The following BMPR1A variants were observed in gnomAD, a reference collection of about 807,000 sequenced individuals.
BMPR1A encodes the protein bone morphogenetic protein receptor type-1A.
Under a neutral mutation model 66.0 loss-of-function variants are expected in BMPR1A, and 7 were observed. That is an observed-to-expected ratio of 0.11 (90% CI 0.06 to 0.20). The LOEUF is 0.20. Ranked by LOEUF, BMPR1A falls within the 10% of genes least tolerant of loss-of-function variation. BMPR1A has a pLI of 1.00. For missense variants in BMPR1A, 408 were observed against 669.1 expected (o/e 0.61, Z 4.31); for synonymous variants, 200 against 229.7 (o/e 0.87, Z 1.17).
intron 5 of BMPR1A, among the ~76,000 whole-genome samples, chr10:86,893,479 T>A (rs572224043): frequency 2.0e-5 from 3 of 152,276 alleles, no homozygotes; most frequent in Admixed American, 2.0e-4. Context: ...AGAAAATTGT[T>A]CCTATTATTT....
chr10:86,814,334 G>A (rs139134959), intron 1 of BMPR1A, among the ~76,000 whole-genome samples: 1 of 152,138 alleles, frequency 6.6e-6, no homozygotes, highest in East Asian at 1.9e-4. Flanking sequence ...ACAGTTTTTA[G>A]TGTTGCTTGT....
At chr10:86,783,057 A>G (rs1221309834) in intron 1 of BMPR1A, among the ~76,000 whole-genome samples, 5 of 152,190 alleles carry the variant, frequency 3.3e-5, no homozygotes, top group East Asian at 1.9e-4. Flanking sequence ...ATGGTTTAAG[A>G]TAAGGATCCA....
chr10:86,895,593 C>G (rs1479437661), intron 5 of BMPR1A, among the ~76,000 whole-genome samples: 1 of 151,942 alleles, frequency 6.6e-6, no homozygotes, highest in African/African-American at 2.4e-5. Context: ...TGATCATCAT[C>G]TTGCTTATGT....
At chr10:86,847,564 T>C (rs1842504733) in intron 2 of BMPR1A, among the ~76,000 whole-genome samples, 1 of 152,016 alleles carries the variant, frequency 6.6e-6, no homozygotes, top group Non-Finnish European at 1.5e-5. Context: ...AAAGATTATA[T>C]ATTGGCCAGG....
intron 2 of BMPR1A, among the ~76,000 whole-genome samples, chr10:86,856,397 C>T (rs1208678672): frequency 6.6e-6 from 1 of 152,198 alleles, no homozygotes; most frequent in Non-Finnish European, 1.5e-5. Flanking sequence ...CCCCGAGGCA[C>T]CATCTCCCTA....
At chr10:86,865,404 C>A (rs1020097401) in intron 2 of BMPR1A, among the ~76,000 whole-genome samples, 3 of 152,158 alleles carry the variant, frequency 2.0e-5, no homozygotes, top group African/African-American at 7.2e-5. Context: ...CTTGCGACCC[C>A]CACTCTGCCC....
intron 8 of BMPR1A, among the ~76,000 whole-genome samples, chr10:86,915,563 T>C (rs1843555608): frequency 6.6e-6 from 1 of 152,068 alleles, no homozygotes; most frequent in East Asian, 1.9e-4. Context: ...ACCCTGTCTC[T>C]ACTAAAAATA....
At chr10:86,772,067 CT>C (rs71475698) in intron 1 of BMPR1A, among the ~76,000 whole-genome samples, 45 of 142,282 alleles carry the variant, frequency 3.2e-4, no homozygotes, top group Middle Eastern at 3.9e-3. Flanking sequence ...AAAATTAGTG[CT>C]TTTTTTTTTC....
At chr10:86,781,112 G>A (rs900799384) in intron 1 of BMPR1A, among the ~76,000 whole-genome samples, 3 of 151,664 alleles carry the variant, frequency 2.0e-5, no homozygotes, top group African/African-American at 4.8e-5. Context: ...CCTTGGCCTC[G>A]CAAAGTACTG....
intron 1 of BMPR1A, among the ~76,000 whole-genome samples, chr10:86,763,411 GTTTC>G (rs762495250): frequency 5.9e-5 from 9 of 151,858 alleles, no homozygotes; most frequent in Non-Finnish European, 8.8e-5. Context: ...CCGAATCTTC[GTTTC>G]TTTATCTTAA....
Position 86,813,727 on chromosome 10 carries a change from C to G in BMPR1A, c.-267-25138C>G, listed in dbSNP as rs1470799259. Among the ~76,000 whole-genome samples, 4 of 152,272 alleles carry G rather than the reference C, an allele frequency of 2.6e-5. No homozygotes were observed. In the East Asian group the frequency reaches 7.7e-4, roughly 29 times the overall value. ...TTAGAACGCACACCCATTATGCGCC[C>G]TTGTATTCTGTTCCTCTTCGTCCCT... On this transcript the variant is annotated intron_variant, in intron 1 of 12. Coordinates refer to ENST00000372037, the MANE Select transcript of BMPR1A (RefSeq NM_004329.3).
chr10:86,821,180 C>G (rs566354442), intron 1 of BMPR1A, among the ~76,000 whole-genome samples: 3 of 152,280 alleles, frequency 2.0e-5, no homozygotes, highest in African/African-American at 7.2e-5. Context: ...TTGAGACTGC[C>G]TTGGTTCAAA....
intron 1 of BMPR1A, among the ~76,000 whole-genome samples, chr10:86,776,954 A>G (rs990320392): frequency 6.6e-6 from 1 of 152,160 alleles, no homozygotes; most frequent in African/African-American, 2.4e-5. Context: ...CCATAATTTC[A>G]GTTCTACCCT....
intron 1 of BMPR1A, among the ~76,000 whole-genome samples, chr10:86,800,196 A>G (rs1841791468): frequency 6.6e-6 from 1 of 152,174 alleles, no homozygotes. Context: ...AAAAATGGTA[A>G]GATGGGCAGC....
At chr10:86,912,172 T>C in intron 7 of BMPR1A, 68 bp from the exon 8 acceptor site, 1 of 1,550,298 alleles carries the variant, frequency 6.5e-7, no homozygotes, top group Non-Finnish European at 8.8e-7. Context: ...ATAGAGAACC[T>C]CAAGGTTTTT....
chr10:86,904,282 C>G (rs1448887123), intron 7 of BMPR1A, among the ~76,000 whole-genome samples: 1 of 152,092 alleles, frequency 6.6e-6, no homozygotes, highest in Non-Finnish European at 1.5e-5. Flanking sequence ...ATGAAGAAAA[C>G]TACATTAAGG....
chr10:86,836,210 T>G (rs1246984764), intron 1 of BMPR1A, among the ~76,000 whole-genome samples: 2 of 152,230 alleles, frequency 1.3e-5, no homozygotes, highest in South Asian at 2.1e-4. Context: ...TAAAGTTGTT[T>G]GGAACATTTT....
intron 1 of BMPR1A, among the ~76,000 whole-genome samples, chr10:86,836,002 A>G (rs899041501): frequency 3.3e-5 from 5 of 152,210 alleles, no homozygotes; most frequent in African/African-American, 1.2e-4. Context: ...AGAAGCTTGC[A>G]TATGTTTTTT....
intron 1 of BMPR1A, among the ~76,000 whole-genome samples, chr10:86,760,186 CTGTT>C (rs1462181957): frequency 1.5e-5 from 1 of 67,508 alleles, no homozygotes; most frequent in Non-Finnish European, 3.1e-5. Context: ...TCAGATTTAC[CTGTT>C]TTTTTTTTTT....
Sources: gnomAD v4.1 joint callset for allele counts (sites outside exome capture counted in the v4.1 genomes callset) on GRCh38, gnomAD v4.1.1 for gene constraint, MANE v1.5 for transcripts, NCBI Gene and HGNC (gene_info 2026-07-23, HGNC 2026-07-21) for gene names.